Variants in AGL observed in about 807,000 individuals in gnomAD.
AGL encodes the protein glycogen debranching enzyme.
Under a neutral mutation model 199.3 loss-of-function variants are expected in AGL, and 128 were observed. The observed-to-expected ratio is 0.64, with a 90% CI of 0.56 to 0.74. The LOEUF is 0.74. Among genes scored for constraint, AGL ranks in the 30% least tolerant of loss-of-function variants. The pLI, the probability that AGL is intolerant of heterozygous loss-of-function variation, is 0.00. For synonymous variants in AGL, 584 were observed against 594.7 expected (o/e 0.98, Z 0.26); for missense variants, 1,809 against 1,820.8 (o/e 0.99, Z 0.12).
In AGL at chr1:99,913,220, TA is replaced by T. The variant is rs1021980205; in HGVS notation, c.3950-294del. ...GGGTGGACAATACCAGACGCTGTCT[TA>T]AAAAAAAAAAAAGACATTTTATTTA... On this transcript the variant is annotated intron_variant, in intron 29 of 33. Transcript: ENST00000361915. Among the ~76,000 whole-genome samples, 436 of 141,844 alleles carry T rather than the reference TA, an allele frequency of 3.1e-3. 2 individuals are homozygous for T. The highest frequency in any genetic ancestry group is 7.2e-3 in the Middle Eastern group (2 of 276). The allele number at this position is 141,844 out of a possible 152,430, so 93.1% of individuals were successfully genotyped here. A position where few individuals can be genotyped will look rare whatever the true frequency, so the allele number is the denominator to read the frequency against.
chr1:99,875,874 G>C (rs760245762), intron 10 of AGL, among the ~76,000 whole-genome samples: 1 of 152,014 alleles, frequency 6.6e-6, no homozygotes, highest in Non-Finnish European at 1.5e-5. Flanking sequence ...CCTCAATTAT[G>C]TATTTATTTT....
chr1:99,852,351 C>CTTTTTTTTTTTTTTTTTTTT (rs11363065), intron 2 of AGL, among the ~76,000 whole-genome samples: 3 of 97,556 alleles, frequency 3.1e-5, no homozygotes, highest in Non-Finnish European at 5.7e-5. Context: ...GCATTCATTT[C>CTTTTTTTTTTTTTTTTTTTT]TTTTTTTTTT....
intron 11 of AGL, 145 bp downstream of exon 11, chr1:99,876,742 T>A (rs1651571554): frequency 9.9e-7 from 1 of 1,006,698 alleles, no homozygotes; most frequent in South Asian, 1.4e-5. Flanking sequence ...TACATACAAT[T>A]TGAGAAAGAA....
intron 12 of AGL, among the ~76,000 whole-genome samples, chr1:99,878,504 C>T (rs975549008): frequency 3.9e-5 from 6 of 152,070 alleles, no homozygotes; most frequent in African/African-American, 1.4e-4. Context: ...ACAATAACTT[C>T]TGAACAATGC....
At chr1:99,905,232 C>G (rs1654175905) in intron 27 of AGL, among the ~76,000 whole-genome samples, 2 of 152,112 alleles carry the variant, frequency 1.3e-5, no homozygotes. Flanking sequence ...GAGTCTTGCT[C>G]TGTCCCCCAG....
intron 21 of AGL, among the ~76,000 whole-genome samples, chr1:99,889,246 G>T (rs1261984313): frequency 6.6e-6 from 1 of 152,158 alleles, no homozygotes; most frequent in African/African-American, 2.4e-5. Flanking sequence ...TCAGAAAGAA[G>T]AATTAAGTTT....
At chr1:99,892,683 T>A in intron 24 of AGL, 76 bp downstream of exon 24, 1 of 1,441,614 alleles carries the variant, frequency 6.9e-7, no homozygotes, top group Non-Finnish European at 9.6e-7. Flanking sequence ...AAAATGATTA[T>A]TTTTTAAAAG....
intron 2 of AGL, among the ~76,000 whole-genome samples, chr1:99,854,603 A>G (rs762825886): frequency 4.6e-5 from 7 of 151,802 alleles, no homozygotes; most frequent in Non-Finnish European, 7.4e-5. Flanking sequence ...TCTACTAAAA[A>G]TACAAAAAAA....
rs1166582494 is a variant in AGL, at chr1:99,892,479, C to T, written c.3131C>T (p.Ser1044Leu). The T allele has an allele frequency of 6.2e-7, 1 of 1,613,576 alleles. No individual in the cohort carries two copies. The highest frequency in any genetic ancestry group is 8.5e-7 in the Non-Finnish European group (1 of 1,179,670). The change falls in exon 24 of 34, where the codon TCA becomes TTA. Residue 1044 changes from serine to leucine, a missense_variant. By Grantham distance (145) the Ser-to-Leu change is moderately radical (BLOSUM62 -2). Transcript: ENST00000361915. ...TTTGTGAAACACCTTTCATTGGGTT[C>T]AGTTCAACTGTGTGGAGTAGGAAAA... ...STFVKHLSLGSVQLCGVGKFP... is the reference protein window; with the variant it reads ...STFVKHLSLGLVQLCGVGKFP...
At chr1:99,894,835 A>G (rs11166369) in intron 24 of AGL, among the ~76,000 whole-genome samples, 74,374 of 151,942 alleles carry the variant, frequency 0.49, 18,815 homozygotes, top group East Asian at 0.67. Context: ...ACAATTTTCA[A>G]TGAATACATA....
Position 99,896,382 on chromosome 1 carries a change from A to G in AGL, c.3356A>G (p.Glu1119Gly). ...GILLITGRYV[E>G]ARNIILAFAG... ...CTGCTGATTACTGGACGCTATGTAG[A>G]AGCCAGGTAGGAGAGCCTCTAAAGT... Residue 1119 changes from glutamate to glycine, a missense_variant, in exon 25 of 34, where the codon GAA (glutamate) becomes GGA (glycine). Physicochemically the swap from Glu to Gly is moderately conservative, Grantham distance 98 (BLOSUM62 -2). Transcript: ENST00000361915. 4 of 1,612,110 alleles carry G rather than the reference A, an allele frequency of 2.5e-6. No individual in the cohort carries two copies. The highest frequency in any genetic ancestry group is 3.4e-6 in the Non-Finnish European group (4 of 1,178,152).
At chr1:99,890,861 T>C (rs967077881) in intron 21 of AGL, among the ~76,000 whole-genome samples, 2 of 151,282 alleles carry the variant, frequency 1.3e-5, no homozygotes, top group African/African-American at 4.9e-5. Context: ...GGCTTATTAC[T>C]TTTCTTTCTT....
chr1:99,854,618 G>T (rs1203581292), intron 2 of AGL, among the ~76,000 whole-genome samples: 2 of 151,876 alleles, frequency 1.3e-5, no homozygotes, highest in African/African-American at 4.8e-5. Context: ...AAAAAAATTA[G>T]CCGGGCCTGG....
intron 27 of AGL, among the ~76,000 whole-genome samples, chr1:99,910,034 T>A (rs778535089): frequency 1.3e-4 from 20 of 152,236 alleles, no homozygotes; most frequent in Non-Finnish European, 2.6e-4. Context: ...AAAAAAGTTA[T>A]CTTACTATAT....
At chr1:99,864,929 A>C (rs1054982455) in intron 5 of AGL, among the ~76,000 whole-genome samples, 1 of 152,214 alleles carries the variant, frequency 6.6e-6, no homozygotes, top group Non-Finnish European at 1.5e-5. Flanking sequence ...CTGAGGTTTC[A>C]GTTACCTGCA....
At position 99,899,518 on chromosome 1, in the gene AGL, CTCTCTCTCTCTT is replaced by C. The variant is rs1373936948; in HGVS notation, c.3363-1094_3363-1083del. On this transcript the variant is annotated intron_variant, in intron 25 of 33. Transcript: ENST00000361915. Reference sequence around the variant, plus strand: ...CTACCAGTTTGTTTTCTTTCTCTCTCTCTCTCTCTCTTTCTCTCTCTCTTTCTCTCTCTCTCT... The same window carrying C: ...CTACCAGTTTGTTTTCTTTCTCTCTCTCTCTCTCTCTTTCTCTCTCTCTCT... Among the ~76,000 whole-genome samples the C allele has an allele frequency of 3.6e-3, 390 of 107,864 alleles. 3 individuals carry two copies. The highest frequency in any genetic ancestry group is 0.013 in the African/African-American group (356 of 26,412). 70.8% of individuals were successfully genotyped at this position (107,864 alleles called of 152,430 possible). A position where few individuals can be genotyped will look rare whatever the true frequency, so the allele number is the denominator to read the frequency against.
At chr1:99,895,922 C>T (rs544404027) in intron 24 of AGL, among the ~76,000 whole-genome samples, 7 of 152,254 alleles carry the variant, frequency 4.6e-5, no homozygotes, top group South Asian at 2.1e-4. Context: ...GTTACAGTGA[C>T]GCAAGACTGT....
rs1651984153 is a variant in AGL at position 99,881,139 on chromosome 1, G to A, written c.1963G>A (p.Gly655Arg). 1.2e-6 allele frequency: 2 copies of A among 1,613,790 alleles called. No individual in the cohort carries two copies. The highest frequency in any genetic ancestry group is 1.3e-5 in the African/African-American group (1 of 74,884). Reference sequence around the variant, plus strand: ...TGTTTCTATGGCATGTTGTGCTAGTGGAAGTACAAGAGGCTATGATGAATT... The same window carrying A: ...TGTTTCTATGGCATGTTGTGCTAGTAGAAGTACAAGAGGCTATGATGAATT... ...TIVSMACCAS[G>R]STRGYDELVP... The change falls in exon 15 of 34, where the codon GGA (glycine) becomes AGA (arginine). Residue 655 changes from glycine to arginine, a missense_variant. Transcript: ENST00000361915.
chr1:99,886,728 A>G (rs1424483604), intron 20 of AGL, among the ~76,000 whole-genome samples: 1 of 152,146 alleles, frequency 6.6e-6, no homozygotes, highest in East Asian at 1.9e-4. Context: ...TGTTTTATGT[A>G]TTACCCCATT....
Sources: gnomAD v4.1 joint callset for allele counts (sites outside exome capture counted in the v4.1 genomes callset) on GRCh38, gnomAD v4.1.1 for gene constraint, MANE v1.5 for transcripts, NCBI Gene and HGNC (gene_info 2026-07-23, HGNC 2026-07-21) for gene names.